TRPM3: variants seen among roughly 807,000 people sequenced by gnomAD.
TRPM3 encodes transient receptor potential cation channel subfamily M member 3, also known as long transient receptor potential channel 3.
TRPM3 carries 77 observed loss-of-function variants against 181.2 expected under a neutral mutation model. That is an observed-to-expected ratio of 0.42 (90% CI 0.35 to 0.51). The LOEUF (loss-of-function observed/expected upper bound fraction) is 0.51. Among genes scored for constraint, TRPM3 ranks in the 20% least tolerant of loss-of-function variants. TRPM3 has a pLI of 0.01. For synonymous variants in TRPM3, 745 were observed against 796.4 expected, an observed-to-expected ratio of 0.94 and a Z score of 1.09; for missense variants, 1,759 against 2,196.7, an observed-to-expected ratio of 0.80 and a Z score of 3.98.
intron 22 of TRPM3, among the ~76,000 whole-genome samples, chr9:70,570,302 GTTTTTT>G (rs142779238): frequency 1.5e-5 from 1 of 68,374 alleles, no homozygotes; most frequent in Non-Finnish European, 2.5e-5. Flanking sequence ...TATTACTAGA[GTTTTTT>G]TTTTTTTTTT....
At chr9:70,972,571 AG>A (rs938325441) in intron 1 of TRPM3, among the ~76,000 whole-genome samples, 3 of 152,202 alleles carry the variant, frequency 2.0e-5, no homozygotes, top group African/African-American at 7.2e-5. Flanking sequence ...CACAACTTGT[AG>A]TCTACTAAAA....
chr9:71,175,218 TATGGTTGC>T (rs2077046823), intron 1 of TRPM3, among the ~76,000 whole-genome samples: 1 of 152,126 alleles, frequency 6.6e-6, no homozygotes, highest in South Asian at 2.1e-4. Flanking sequence ...AGAGGGAGCT[TATGGTTGC>T]ATGAAAGAGA....
intron 1 of TRPM3, among the ~76,000 whole-genome samples, chr9:70,874,519 G>C (rs1473137062): frequency 1.3e-5 from 2 of 151,910 alleles, no homozygotes; most frequent in African/African-American, 4.8e-5. Context: ...ATGCTGGTGG[G>C]AATTATAACT....
chr9:71,286,963 A>ATAT (rs374195871), intron 1 of TRPM3, among the ~76,000 whole-genome samples: 2 of 138,190 alleles, frequency 1.4e-5, no homozygotes, highest in African/African-American at 5.5e-5. Context: ...TATATAAATT[A>ATAT]TATATAATAT....
At chr9:70,634,619 G>A (rs749665979) in intron 12 of TRPM3, among the ~76,000 whole-genome samples, 3 of 151,856 alleles carry the variant, frequency 2.0e-5, no homozygotes, top group African/African-American at 7.3e-5. Context: ...CTTGTAGTTC[G>A]GCTTCCTCAT....
chr9:70,629,215 C>CGGGGGGCGGG lies in TRPM3; in HGVS notation c.1633-3699_1633-3698insCCCGCCCCCC, dbSNP rs1554790135. The stretch of plus-strand genomic sequence containing the variant: ...GGATAAATGATTCTGTGACCAGTGC[C>CGGGGGGCGGG]GGGGGGGGGGGGGGCCTGCGTTCTG... On this transcript the variant is annotated intron_variant, in intron 12 of 25. Coordinates refer to ENST00000677713, the MANE Select transcript of TRPM3 (RefSeq NM_001366145.2). 2.9e-4 allele frequency among the ~76,000 whole-genome samples: 3 copies of CGGGGGGCGGG among 10,174 alleles called. 1 individual carries two copies. The highest frequency in any genetic ancestry group is 6.1e-4 in the African/African-American group (3 of 4,890). 6.7% of individuals were successfully genotyped at this position (10,174 alleles called of 152,430 possible). A position where few individuals can be genotyped will look rare whatever the true frequency, so the allele number is the denominator to read the frequency against.
At chr9:70,642,246 T>A (rs190798591) in intron 9 of TRPM3, among the ~76,000 whole-genome samples, 1 of 152,258 alleles carries the variant, frequency 6.6e-6, no homozygotes, top group Admixed American at 6.5e-5. Context: ...TTGAAACATA[T>A]GAGACTACTG....
Position 71,351,870 on chromosome 9 carries a change from G to GTTTTTTTTTTTT in TRPM3, c.183+94782_183+94783insAAAAAAAAAAAA, listed in dbSNP as rs1398031517. Among the ~76,000 whole-genome samples the GTTTTTTTTTTTT allele has an allele frequency of 6.2e-4, 59 of 95,656 alleles. 6 individuals are homozygous for GTTTTTTTTTTTT. Among genetic ancestry groups the GTTTTTTTTTTTT allele is most frequent in the East Asian group, 1.8e-3 (5 of 2,838 alleles). The allele number at this position is 95,656 out of a possible 152,430, so 62.8% of individuals were successfully genotyped here. A position where few individuals can be genotyped will look rare whatever the true frequency, so the allele number is the denominator to read the frequency against. On this transcript the variant is annotated intron_variant, in intron 1 of 24. Coordinates refer to the TRPM3 transcript ENST00000357533. ...ATGGGAAGTTTTTGTTTGTTTGTTTGTTTTTGTTTTTTTTTTTTTTTTTGA... is the reference window on the plus strand; with the variant it reads ...ATGGGAAGTTTTTGTTTGTTTGTTTGTTTTTTTTTTTTTTTTTGTTTTTTTTTTTTTTTTTGA...
intron 24 of TRPM3, among the ~76,000 whole-genome samples, chr9:70,552,289 C>T (rs751410248): frequency 3.3e-5 from 5 of 152,168 alleles, no homozygotes; most frequent in Admixed American, 6.5e-5. Flanking sequence ...TGTTCTGCCT[C>T]AATGCTAATA....
intron 25 of TRPM3, among the ~76,000 whole-genome samples, chr9:70,538,384 G>A (rs1174911542): frequency 1.3e-5 from 2 of 152,128 alleles, no homozygotes; most frequent in African/African-American, 4.8e-5. Context: ...TCCTGCCTTG[G>A]CCTCCCAAAG....
upstream of TRPM3, among the ~76,000 whole-genome samples, chr9:71,126,422 G>A (rs2074035297): frequency 1.3e-5 from 2 of 151,770 alleles, no homozygotes; most frequent in South Asian, 2.1e-4. Context: ...TACTTTCCTG[G>A]TTCTTCCTTT....
intron 1 of TRPM3, among the ~76,000 whole-genome samples, chr9:71,306,342 G>A (rs551882976): frequency 1.1e-4 from 16 of 152,210 alleles, no homozygotes; most frequent in Non-Finnish European, 2.4e-4. Flanking sequence ...TTTGTGACTG[G>A]GAACCCCCTG....
At chr9:71,299,152 G>A (rs779305094) in intron 1 of TRPM3, among the ~76,000 whole-genome samples, 1 of 152,126 alleles carries the variant, frequency 6.6e-6, no homozygotes, top group Non-Finnish European at 1.5e-5. Flanking sequence ...GATGCCAAGA[G>A]GTCTGACTGC....
intron 1 of TRPM3, among the ~76,000 whole-genome samples, chr9:71,256,342 A>G (rs865783761): frequency 3.0e-4 from 46 of 152,246 alleles, no homozygotes; most frequent in African/African-American, 1.0e-3. Flanking sequence ...TTCATTTACC[A>G]CTAGAGAAGA....
In TRPM3 at chr9:71,034,936, G is replaced by A. The variant is rs140706969; in HGVS notation, c.177+86242C>T. On this transcript the variant is annotated intron_variant, in intron 1 of 25. Coordinates refer to ENST00000677713, the MANE Select transcript of TRPM3 (RefSeq NM_001366145.2). ...CTTTAAATTTTGTTCTACCTCACAC[G>A]TGCATTTAAAAAATGGTCAAAATAT... Among the ~76,000 whole-genome samples, 12 of 151,790 alleles carry A rather than the reference G, an allele frequency of 7.9e-5. No homozygotes were observed. In the East Asian group the frequency reaches 1.7e-3, roughly 22 times the overall value.
chr9:71,120,781 C>T (rs1446161634), intron 1 of TRPM3, among the ~76,000 whole-genome samples: 1 of 152,110 alleles, frequency 6.6e-6, no homozygotes, highest in Admixed American at 6.5e-5. Context: ...GAAGGGCTTC[C>T]CCAGGGAGAG....
At chr9:70,908,920 A>G (rs897216663) in intron 1 of TRPM3, among the ~76,000 whole-genome samples, 4 of 152,226 alleles carry the variant, frequency 2.6e-5, no homozygotes, top group East Asian at 1.9e-4. Flanking sequence ...CACATAGGAA[A>G]ACAACAAAAC....
chr9:71,420,759 G>GAGAGAGAA (rs2093729584), intron 1 of TRPM3, among the ~76,000 whole-genome samples: 1 of 33,464 alleles, frequency 3.0e-5, no homozygotes, highest in African/African-American at 1.3e-4. Context: ...GAGAGAGAAA[G>GAGAGAGAA]AGAGAGAAAG....
chr9:70,619,237 A>T, intron 16 of TRPM3, 142 bp from the exon 17 acceptor site: 1 of 671,172 alleles, frequency 1.5e-6, no homozygotes, highest in Non-Finnish European at 2.5e-6. Flanking sequence ...TTGTAAATTC[A>T]TCCAGCCAAC....
Sources: allele counts gnomAD v4.1 joint callset (sites outside exome capture counted in the v4.1 genomes callset), GRCh38; gene constraint gnomAD v4.1.1; transcripts MANE v1.5; gene names NCBI Gene and HGNC (gene_info 2026-07-23, HGNC 2026-07-21).